Variants in RARB observed in about 807,000 individuals in gnomAD.
The protein encoded by RARB is HBV-activated protein.
Under a neutral mutation model 51.9 loss-of-function variants are expected in RARB, and 17 were observed. The ratio of observed to expected loss-of-function variants is 0.33; its 90% CI spans 0.22 to 0.49. The LOEUF (loss-of-function observed/expected upper bound fraction) is 0.49, where lower values mean the gene tolerates loss of function less well. Among genes scored for constraint, RARB ranks in the 20% least tolerant of loss-of-function variants. RARB has a pLI of 0.99. For missense variants in RARB, 369 were observed against 550.8 expected, an observed-to-expected ratio of 0.67 and a Z score of 3.30; for synonymous variants, 215 against 195.4, an observed-to-expected ratio of 1.10 and a Z score of -0.84.
chr3:25,303,234 A>G (rs956757981), intron 5 of RARB, among the ~76,000 whole-genome samples: 1 of 152,188 alleles, frequency 6.6e-6, no homozygotes, highest in Non-Finnish European at 1.5e-5. Flanking sequence ...AGAAAACCCA[A>G]GTCAGAGAGA....
intron 1 of RARB, among the ~76,000 whole-genome samples, chr3:24,854,585 C>T (rs1168899228): frequency 5.3e-5 from 8 of 152,124 alleles, no homozygotes; most frequent in Non-Finnish European, 1.5e-5. Context: ...ATCAGAAACT[C>T]TGGAGGTGCA....
chr3:25,557,421 G>C (rs1054190906), intron 3 of RARB, among the ~76,000 whole-genome samples: 4 of 152,120 alleles, frequency 2.6e-5, no homozygotes, highest in Admixed American at 1.3e-4. Flanking sequence ...TCTCTCCGCA[G>C]CCTATCACTT....
At chr3:25,468,566 C>A (rs577946143) in intron 2 of RARB, among the ~76,000 whole-genome samples, 199 of 151,992 alleles carry the variant, frequency 1.3e-3, no homozygotes, top group African/African-American at 4.7e-3. Flanking sequence ...AAAAAAAACA[C>A]CCCACTGCTT....
chr3:25,195,320 T>A (rs1319914870), intron 5 of RARB, among the ~76,000 whole-genome samples: 1 of 152,052 alleles, frequency 6.6e-6, no homozygotes, highest in Non-Finnish European at 1.5e-5. Context: ...GCTCAATTTC[T>A]GACAACAGTT....
intron 5 of RARB, among the ~76,000 whole-genome samples, chr3:25,409,253 G>A (rs1428478939): frequency 6.6e-6 from 1 of 152,200 alleles, no homozygotes; most frequent in East Asian, 1.9e-4. Context: ...TTTCACCTAT[G>A]TTTTCTTGTT....
intron 5 of RARB, among the ~76,000 whole-genome samples, chr3:25,293,620 T>C (rs1449853340): frequency 3.1e-4 from 14 of 45,212 alleles, no homozygotes; most frequent in Non-Finnish European, 8.9e-4. Context: ...AAAAAAAAAG[T>C]TCAGAGATAG....
At chr3:25,348,088 AGGCTTCATG>A (rs1188562178) in intron 5 of RARB, among the ~76,000 whole-genome samples, 1 of 152,068 alleles carries the variant, frequency 6.6e-6, no homozygotes, top group Non-Finnish European at 1.5e-5. Flanking sequence ...TGATCTTCAT[AGGCTTCATG>A]GGCTAATACA....
intron 2 of RARB, among the ~76,000 whole-genome samples, chr3:24,895,644 C>T (rs1334274053): frequency 3.3e-5 from 5 of 150,170 alleles, no homozygotes; most frequent in East Asian, 3.9e-4. Flanking sequence ...GAAGGAGTCT[C>T]GCTCTTTCAC....
At chr3:25,117,586 A>G (rs1194211237) in intron 3 of RARB, among the ~76,000 whole-genome samples, 1 of 152,150 alleles carries the variant, frequency 6.6e-6, no homozygotes, top group Non-Finnish European at 1.5e-5. Flanking sequence ...GGGATGGATT[A>G]GACATGTGGG....
chr3:25,001,902 C>T (rs1323190221), intron 2 of RARB, among the ~76,000 whole-genome samples: 1 of 152,068 alleles, frequency 6.6e-6, no homozygotes, highest in Non-Finnish European at 1.5e-5. Flanking sequence ...TTCGGCCTCC[C>T]AAGTAGCTAG....
intron 5 of RARB, among the ~76,000 whole-genome samples, chr3:25,250,186 C>T (rs1288599955): frequency 6.6e-6 from 1 of 152,092 alleles, no homozygotes. Context: ...GTTGGATGGG[C>T]TTGTTCTCAG....
chr3:25,339,581 G>GT (rs34570809), intron 5 of RARB, among the ~76,000 whole-genome samples: 31,910 of 143,552 alleles, frequency 0.22, 4,093 homozygotes, highest in Admixed American at 0.35. Context: ...TTCAGCTGAA[G>GT]TTTTTTTTTT....
At chr3:25,308,436 TTTTC>T (rs1394968897) in intron 5 of RARB, among the ~76,000 whole-genome samples, 6 of 146,796 alleles carry the variant, frequency 4.1e-5, no homozygotes, top group Non-Finnish European at 5.9e-5. Flanking sequence ...CCCTGACTGG[TTTTC>T]TTTCTTTCTT....
chr3:25,448,704 T>C (rs1709057831), intron 1 of RARB, among the ~76,000 whole-genome samples: 1 of 152,162 alleles, frequency 6.6e-6, no homozygotes, highest in Non-Finnish European at 1.5e-5. Flanking sequence ...CAGTCTCAGG[T>C]GATCCGCCTG....
chr3:25,147,348 C>T (rs902035834), intron 4 of RARB, among the ~76,000 whole-genome samples: 1 of 152,114 alleles, frequency 6.6e-6, no homozygotes, highest in Non-Finnish European at 1.5e-5. Context: ...TGAGTTCATC[C>T]ATGTCAGGGC....
At chr3:25,370,195 T>TG (rs1395769044) in intron 5 of RARB, among the ~76,000 whole-genome samples, 4 of 152,150 alleles carry the variant, frequency 2.6e-5, no homozygotes, top group African/African-American at 9.7e-5. Flanking sequence ...GAAAGCAGGA[T>TG]GGAGGTATGG....
intron 4 of RARB, among the ~76,000 whole-genome samples, chr3:25,576,322 G>C (rs1199203207): frequency 6.6e-6 from 1 of 152,200 alleles, no homozygotes; most frequent in East Asian, 1.9e-4. Flanking sequence ...CTTCGGCAGG[G>C]ACACAGGGCA....
In RARB at chr3:25,558,409, T is replaced by C. The variant is rs182179352; in HGVS notation, c.449-11349T>C. 2.0e-4 allele frequency among the ~76,000 whole-genome samples: 31 copies of C among 152,296 alleles called. 1 individual carries two copies. The Middle Eastern group carries it at 0.014, about 67-fold the overall frequency. On this transcript the variant is annotated intron_variant, in intron 3 of 7. Transcript: ENST00000330688. ...AGGCTGCTGCTGCTTCAAATTCTTT[T>C]CTCCATTGGTTTCTGCGGTTTTTTA...
chr3:25,039,554 G>A (rs1171520619), intron 2 of RARB, among the ~76,000 whole-genome samples: 4 of 152,156 alleles, frequency 2.6e-5, no homozygotes, highest in African/African-American at 9.7e-5. Flanking sequence ...TTCGAGTGGG[G>A]CATGGGCATA....
Sources: gnomAD v4.1 joint callset for allele counts (sites outside exome capture counted in the v4.1 genomes callset) on GRCh38, gnomAD v4.1.1 for gene constraint, MANE v1.5 for transcripts, NCBI Gene and HGNC (gene_info 2026-07-23, HGNC 2026-07-21) for gene names.